PTPRD: variants seen among roughly 807,000 people sequenced by gnomAD.
The protein encoded by PTPRD is receptor-type tyrosine-protein phosphatase delta.
PTPRD carries 34 observed loss-of-function variants against 214.5 expected under a neutral mutation model. That is an observed-to-expected ratio of 0.16 (90% CI 0.12 to 0.21). The LOEUF (loss-of-function observed/expected upper bound fraction) is 0.21. Ranked by LOEUF, PTPRD falls within the 10% of genes least tolerant of loss-of-function variation. The pLI is 1.00. For synonymous variants in PTPRD, 1,128 were observed against 845.7 expected, an observed-to-expected ratio of 1.33 and a Z score of -5.79; for missense variants, 2,545 against 2,398.7, an observed-to-expected ratio of 1.06 and a Z score of -1.27.
chr9:10,398,609 C>A (rs1285763291), intron 2 of PTPRD, among the ~76,000 whole-genome samples: 1 of 151,906 alleles, frequency 6.6e-6, no homozygotes, highest in African/African-American at 2.4e-5. Flanking sequence ...AAAACATTTT[C>A]TTCCATAATG....
chr9:10,035,277 T>G (rs2097158758), intron 3 of PTPRD, among the ~76,000 whole-genome samples: 1 of 151,916 alleles, frequency 6.6e-6, no homozygotes, highest in Non-Finnish European at 1.5e-5. Context: ...GCCCACTTTT[T>G]AATGGGGTAT....
intron 5 of PTPRD, among the ~76,000 whole-genome samples, chr9:9,889,932 A>C (rs1243065016): frequency 6.6e-6 from 1 of 152,002 alleles, no homozygotes; most frequent in Non-Finnish European, 1.5e-5. Flanking sequence ...TTTCCTGAAG[A>C]ACGGCAGAGG....
chr9:9,399,806 C>G (rs112092004), intron 8 of PTPRD, among the ~76,000 whole-genome samples: 1 of 151,968 alleles, frequency 6.6e-6, no homozygotes, highest in Non-Finnish European at 1.5e-5. Context: ...TGAAGCCTCC[C>G]CAGCCATGTG....
At position 10,131,146 on chromosome 9, in the gene PTPRD, G is replaced by A. The variant is rs144738287; in HGVS notation, c.-544-97356C>T. Among the ~76,000 whole-genome samples, 478 of 152,232 alleles carry A rather than the reference G, an allele frequency of 3.1e-3. 3 individuals are homozygous for A. Among genetic ancestry groups the A allele is most frequent in the African/African-American group, 0.011 (461 of 41,544 alleles). ...GCTTTCTGGGAGGAATAAAGAGAGT[G>A]AGGATGGAGCAAATCTCTAAGAAAA... On this transcript the variant is annotated intron_variant, in intron 3 of 45. Transcript: ENST00000381196.
intron 14 of PTPRD, among the ~76,000 whole-genome samples, chr9:8,608,166 T>A (rs2095308968): frequency 6.6e-6 from 1 of 152,014 alleles, no homozygotes; most frequent in Non-Finnish European, 1.5e-5. Context: ...TATCTATACA[T>A]TACATATTGA....
intron 8 of PTPRD, among the ~76,000 whole-genome samples, chr9:9,411,883 C>T (rs2075552171): frequency 6.6e-6 from 1 of 151,806 alleles, no homozygotes; most frequent in East Asian, 1.9e-4. Context: ...GCATAGTGAC[C>T]CTATGACCCT....
intron 8 of PTPRD, among the ~76,000 whole-genome samples, chr9:9,533,077 T>A (rs1333151660): frequency 6.6e-6 from 1 of 152,142 alleles, no homozygotes; most frequent in Non-Finnish European, 1.5e-5. Context: ...ATATAATAAG[T>A]GAGCAGCTTA....
chr9:9,515,939 G>A (rs2096826882), intron 8 of PTPRD, among the ~76,000 whole-genome samples: 1 of 152,060 alleles, frequency 6.6e-6, no homozygotes, highest in Non-Finnish European at 1.5e-5. Flanking sequence ...GAATATTTAT[G>A]AGATTAGATT....
At chr9:9,954,502 TA>T (rs1203405489) in intron 4 of PTPRD, among the ~76,000 whole-genome samples, 2 of 151,832 alleles carry the variant, frequency 1.3e-5, no homozygotes, top group African/African-American at 4.8e-5. Context: ...ACATTACTTA[TA>T]AAATACATAA....
At chr9:8,534,340 G>C (rs555001400) in intron 14 of PTPRD, among the ~76,000 whole-genome samples, 241 of 151,906 alleles carry the variant, frequency 1.6e-3, no homozygotes, top group African/African-American at 5.7e-3. Flanking sequence ...GAATAACAAT[G>C]GAATTCTTGG....
At chr9:9,029,334 T>C (rs2099597248) in intron 10 of PTPRD, among the ~76,000 whole-genome samples, 1 of 151,724 alleles carries the variant, frequency 6.6e-6, no homozygotes, top group Non-Finnish European at 1.5e-5. Flanking sequence ...GGAATCAGAC[T>C]AAAAAGTGCT....
intron 2 of PTPRD, among the ~76,000 whole-genome samples, chr9:10,449,185 G>A (rs988003240): frequency 3.9e-5 from 6 of 152,112 alleles, no homozygotes; most frequent in Non-Finnish European, 5.9e-5. Flanking sequence ...GATTGCGGGC[G>A]GGTGCCGCCA....
chr9:9,168,095 A>G (rs1479313723), intron 10 of PTPRD, among the ~76,000 whole-genome samples: 1 of 152,164 alleles, frequency 6.6e-6, no homozygotes, highest in African/African-American at 2.4e-5. Flanking sequence ...CCTCTTTTCT[A>G]AATAAAGTTT....
intron 5 of PTPRD, among the ~76,000 whole-genome samples, chr9:9,894,205 T>A (rs1223034673): frequency 6.6e-6 from 1 of 152,112 alleles, no homozygotes; most frequent in East Asian, 1.9e-4. Context: ...AACAGCCTCC[T>A]GGCTGGTCTC....
intron 5 of PTPRD, among the ~76,000 whole-genome samples, chr9:9,915,172 C>T (rs188939427): frequency 5.3e-5 from 8 of 152,204 alleles, no homozygotes; most frequent in African/African-American, 1.9e-4. Flanking sequence ...ATGTGTCTAC[C>T]TAGAATGAAG....
At chr9:10,063,253 A>G (rs2097809326) in intron 3 of PTPRD, among the ~76,000 whole-genome samples, 1 of 152,102 alleles carries the variant, frequency 6.6e-6, no homozygotes, top group Non-Finnish European at 1.5e-5. Flanking sequence ...TCATACTGAC[A>G]TAGCTACTCA....
chr9:9,513,515 G>A (rs899551069), intron 8 of PTPRD, among the ~76,000 whole-genome samples: 1 of 151,228 alleles, frequency 6.6e-6, no homozygotes, highest in South Asian at 2.1e-4. Flanking sequence ...TTTTCTTAAA[G>A]ATCCAAAAAT....
At chr9:9,491,783 T>C (rs1444904856) in intron 8 of PTPRD, among the ~76,000 whole-genome samples, 1 of 151,944 alleles carries the variant, frequency 6.6e-6, no homozygotes, top group Non-Finnish European at 1.5e-5. Flanking sequence ...GAAAAATTTA[T>C]GAACACCTTA....
chr9:8,611,644 G>A (rs997577505), intron 14 of PTPRD, among the ~76,000 whole-genome samples: 5 of 151,838 alleles, frequency 3.3e-5, no homozygotes, highest in Admixed American at 1.3e-4. Context: ...GGTCTGGGCT[G>A]CAATGACCTG....
Sources: allele counts gnomAD v4.1 joint callset (sites outside exome capture counted in the v4.1 genomes callset), GRCh38; gene constraint gnomAD v4.1.1; transcripts MANE v1.5; gene names NCBI Gene and HGNC (gene_info 2026-07-23, HGNC 2026-07-21).